The following GPI variants were observed in gnomAD, a reference collection of about 807,000 sequenced individuals.
The protein encoded by GPI is D-hexose-6-phosphate anomerase.
GPI carries 56 observed loss-of-function variants against 75.8 expected under a neutral mutation model. The ratio of observed to expected loss-of-function variants is 0.74; its 90% CI spans 0.60 to 0.92. The LOEUF (loss-of-function observed/expected upper bound fraction) is 0.92. Ranked by LOEUF, GPI falls within the 40% of genes least tolerant of loss-of-function variation. The probability of loss-of-function intolerance (pLI) is 0.00; values close to 1 mark genes in which losing one functional copy is unlikely to be tolerated. For missense variants in GPI, 638 were observed against 741.0 expected (o/e 0.86, Z 1.61); for synonymous variants, 288 against 285.4 (o/e 1.01, Z -0.09).
intron 1 of GPI, chr19:34,365,710 G>A: frequency 1.9e-6 from 1 of 536,506 alleles, no homozygotes; most frequent in Non-Finnish European, 3.6e-6. Context: ...TCGCAGTTGT[G>A]AAGAGAGGCC....
chr19:34,365,302 G>C lies in GPI; in HGVS notation c.36G>C (p.Lys12Asn), dbSNP rs369198577. 3.8e-6 allele frequency: 6 copies of C among 1,582,192 alleles called. No individual in the cohort carries two copies. In the African/African-American group the frequency reaches 8.4e-5, roughly 22 times the overall value. ...AALTRDPQFQ[K>N]LQQWYREHRS... ...TCACCCGGGACCCCCAGTTCCAGAAGCTGCAGCAATGGTACCGCGAGCACC... is the reference window on the plus strand; with the variant it reads ...TCACCCGGGACCCCCAGTTCCAGAACCTGCAGCAATGGTACCGCGAGCACC... The change falls in exon 1 of 18, where the codon AAG (lysine) becomes AAC (asparagine). Residue 12 changes from lysine (K) to asparagine (N), a missense_variant. Physicochemically the swap from Lys to Asn is moderately conservative, Grantham distance 94. Transcript: ENST00000356487.
intron 4 of GPI, chr19:34,368,946 T>C (rs1040299908): frequency 1.5e-5 from 9 of 595,882 alleles, no homozygotes; most frequent in Non-Finnish European, 2.7e-5. Flanking sequence ...CTTTCCTGAA[T>C]TGTAGACACC....
chr19:34,377,320 A>T (rs2074555072), intron 4 of GPI, among the ~76,000 whole-genome samples, 183 bp from the exon 5 acceptor site: 1 of 93,320 alleles, frequency 1.1e-5, no homozygotes, highest in African/African-American at 5.4e-5. Context: ...AAAAAAAAAA[A>T]AAAAAAAAAA....
intron 4 of GPI, among the ~76,000 whole-genome samples, chr19:34,375,094 T>G (rs1402889592): frequency 6.6e-6 from 1 of 151,760 alleles, no homozygotes; most frequent in African/African-American, 2.4e-5. Flanking sequence ...ATTAGTTATC[T>G]ATCATTGTAT....
chr19:34,368,868 G>T, intron 4 of GPI, 166 bp downstream of exon 4: 1 of 755,898 alleles, frequency 1.3e-6, no homozygotes, highest in Non-Finnish European at 2.3e-6. Context: ...TGGAGTCTCT[G>T]CTGAGGCCTG....
At chr19:34,399,483 G>A in intron 15 of GPI, 73 bp from the exon 16 acceptor site, 1 of 1,563,836 alleles carries the variant, frequency 6.4e-7, no homozygotes, top group Non-Finnish European at 8.8e-7. Flanking sequence ...AGCCTCTGGG[G>A]CAGGGTGTGC....
At chr19:34,365,056 C>T (rs1429201285), upstream of GPI, 16 of 1,478,448 alleles carry the variant, frequency 1.1e-5, no homozygotes, top group East Asian at 4.2e-4. Context: ...GATCAGCGGC[C>T]GCGGGCAAGG....
rs370198119 is a variant in GPI at position 34,400,046 on chromosome 19, C to A, written c.*10C>A. 129 of 1,608,944 alleles carry A rather than the reference C, an allele frequency of 8.0e-5. No individual in the cohort carries two copies. Among genetic ancestry groups the A allele is most frequent in the Non-Finnish European group, 5.6e-5 (66 of 1,179,720 alleles). On this transcript the variant is annotated 3_prime_UTR_variant, in exon 18 of 18. Transcript: ENST00000356487. Reference sequence around the variant, plus strand: ...GGCCAGAGTCCAATAAACTCGTGCTCATCTGCAGCCTCCTCTGTGACTCCC... The same window carrying A: ...GGCCAGAGTCCAATAAACTCGTGCTAATCTGCAGCCTCCTCTGTGACTCCC...
chr19:34,381,599 G>A (rs372514381), intron 9 of GPI, 80 bp downstream of exon 9: 30 of 974,500 alleles, frequency 3.1e-5, no homozygotes, highest in Admixed American at 1.0e-4. Flanking sequence ...ATGAGGTCAG[G>A]TCAGTGTTTA....
intron 9 of GPI, among the ~76,000 whole-genome samples, chr19:34,390,141 C>T (rs908594569): frequency 6.6e-6 from 1 of 151,824 alleles, no homozygotes; most frequent in Non-Finnish European, 1.5e-5. Flanking sequence ...GGAATGGGCA[C>T]AGGTACAAAG....
chr19:34,360,316 G>T (rs1211262097), upstream of GPI, among the ~76,000 whole-genome samples: 7 of 152,178 alleles, frequency 4.6e-5, no homozygotes, highest in African/African-American at 1.7e-4. Flanking sequence ...CTTATGGCCA[G>T]GCACAGTGAC....
chr19:34,396,237 C>T, intron 12 of GPI, 64 bp from the exon 13 acceptor site: 2 of 1,593,360 alleles, frequency 1.3e-6, no homozygotes, highest in Non-Finnish European at 1.7e-6. Context: ...TGCGCTCAGC[C>T]TCTTTCTTTC....
At chr19:34,392,035 C>G (rs377508635) in intron 9 of GPI, among the ~76,000 whole-genome samples, 1 of 8,740 alleles carries the variant, frequency 1.1e-4, no homozygotes, top group African/African-American at 3.6e-4. Flanking sequence ...CTTTCAATGT[C>G]TGAGAAGGTA....
intron 3 of GPI, 21 bp downstream of exon 3, chr19:34,366,872 C>T: frequency 6.6e-7 from 1 of 1,517,814 alleles, no homozygotes; most frequent in Non-Finnish European, 9.2e-7. Context: ...CCCACATACC[C>T]TCTGGGGCCT....
intron 9 of GPI, among the ~76,000 whole-genome samples, chr19:34,387,100 A>G (rs1011614714): frequency 1.3e-5 from 2 of 152,216 alleles, no homozygotes; most frequent in Non-Finnish European, 2.9e-5. Flanking sequence ...GGCTTAGGCA[A>G]GGGAACCGGG....
Position 34,377,324 on chromosome 19 carries a change from AAAAAAAAAAAAAATATAT to A in GPI, c.403-177_403-160del, listed in dbSNP as rs1200349331. 1.3e-3 allele frequency among the ~76,000 whole-genome samples: 119 copies of A among 92,766 alleles called. 5 individuals are homozygous for A. In the East Asian group the frequency reaches 0.017, roughly 13 times the overall value. 60.9% of individuals were successfully genotyped at this position (92,766 alleles called of 152,430 possible). On this transcript the variant is annotated intron_variant, in intron 4 of 17. Transcript: ENST00000356487. Reference sequence around the variant, plus strand: ...CTCAAAAAAAAAAAAAAAAAAAAAAAAAAAAAAAAAAAATATATATATATATATATATATGGTAAATTA... The same window carrying A: ...CTCAAAAAAAAAAAAAAAAAAAAAAAATATATATATATATATGGTAAATTA...
chr19:34,399,141 C>T (rs554612522), intron 14 of GPI, 66 bp from the exon 15 acceptor site: 46 of 1,530,004 alleles, frequency 3.0e-5, no homozygotes, highest in African/African-American at 3.0e-4. Flanking sequence ...AAGTACCAGG[C>T]GGTCTTGTCC....
At chr19:34,369,909 C>G (rs1448908489) in intron 4 of GPI, among the ~76,000 whole-genome samples, 1 of 152,120 alleles carries the variant, frequency 6.6e-6, no homozygotes, top group Admixed American at 6.6e-5. Context: ...TGGGCGACAG[C>G]AAGATCGTGT....
At chr19:34,362,571 A>G (rs967876397), upstream of GPI, among the ~76,000 whole-genome samples, 4 of 152,134 alleles carry the variant, frequency 2.6e-5, no homozygotes, top group Admixed American at 6.6e-5. Context: ...AAAGGTGAAC[A>G]CCCGTAACAT....
Sources: allele counts gnomAD v4.1 joint callset (sites outside exome capture counted in the v4.1 genomes callset), GRCh38; gene constraint gnomAD v4.1.1; transcripts MANE v1.5; gene names NCBI Gene and HGNC (gene_info 2026-07-23, HGNC 2026-07-21).